The following BBS9 variants were observed in gnomAD, a reference collection of about 807,000 sequenced individuals.
BBS9 encodes the protein protein PTHB1.
BBS9 carries 89 observed loss-of-function variants against 117.7 expected under a neutral mutation model. The ratio of observed to expected loss-of-function variants is 0.76; its 90% CI spans 0.64 to 0.90. The LOEUF is 0.90. Ranked by LOEUF, BBS9 falls within the 40% of genes least tolerant of loss-of-function variation. BBS9 has a pLI of 0.00. For synonymous variants in BBS9, 379 were observed against 370.9 expected, an observed-to-expected ratio of 1.02 and a Z score of -0.25; for missense variants, 982 against 1,042.2, an observed-to-expected ratio of 0.94 and a Z score of 0.80.
At chr7:33,171,122 T>A (rs895516843) in intron 4 of BBS9, among the ~76,000 whole-genome samples, 1 of 151,816 alleles carries the variant, frequency 6.6e-6, no homozygotes, top group Admixed American at 6.6e-5. Flanking sequence ...TCATATGGAA[T>A]GAAAAAAGAG....
intron 9 of BBS9, among the ~76,000 whole-genome samples, chr7:33,285,658 T>C (rs903143672): frequency 1.3e-5 from 2 of 152,168 alleles, no homozygotes; most frequent in African/African-American, 2.4e-5. Flanking sequence ...GTGCTTATAA[T>C]GTCCTTATAG....
intron 19 of BBS9, among the ~76,000 whole-genome samples, chr7:33,394,274 A>G (rs1474812417): frequency 6.6e-6 from 1 of 152,170 alleles, no homozygotes; most frequent in African/African-American, 2.4e-5. Flanking sequence ...GCTGGAGGCC[A>G]TTATCCCTAG....
At chr7:33,351,850 C>G (rs1818718003) in intron 14 of BBS9, 1 of 170,014 alleles carries the variant, frequency 5.9e-6, no homozygotes, top group Non-Finnish European at 1.3e-5. Flanking sequence ...ACCCCATTTC[C>G]CCAGTGCGCT....
At chr7:33,362,045 C>T (rs559548697) in intron 16 of BBS9, among the ~76,000 whole-genome samples, 2 of 152,198 alleles carry the variant, frequency 1.3e-5, no homozygotes, top group South Asian at 4.1e-4. Flanking sequence ...ATTAGTAATT[C>T]CTTATCCTGC....
intron 12 of BBS9, among the ~76,000 whole-genome samples, chr7:33,347,959 G>T (rs184988461): frequency 6.6e-6 from 1 of 151,786 alleles, no homozygotes; most frequent in Non-Finnish European, 1.5e-5. Flanking sequence ...TGACATACGA[G>T]TCACCATGAT....
intron 2 of BBS9, among the ~76,000 whole-genome samples, chr7:33,149,321 G>C (rs764127): frequency 0.16 from 24,623 of 152,130 alleles, 2,136 homozygotes; most frequent in South Asian, 0.21. Context: ...AAATTTGCAG[G>C]TCAAGTTGGG....
At chr7:33,458,268 T>C (rs1838942604) in intron 19 of BBS9, among the ~76,000 whole-genome samples, 1 of 152,198 alleles carries the variant, frequency 6.6e-6, no homozygotes, top group Admixed American at 6.5e-5. Context: ...GTTGATTTTT[T>C]GAATGAGAGA....
chr7:33,153,252 T>C (rs1793626849), intron 3 of BBS9, among the ~76,000 whole-genome samples: 2 of 152,220 alleles, frequency 1.3e-5, no homozygotes, highest in African/African-American at 4.8e-5. Context: ...AATAGTTATT[T>C]GGGGTAGAGA....
chr7:33,362,894 C>T (rs960505292), intron 16 of BBS9, among the ~76,000 whole-genome samples: 1 of 149,174 alleles, frequency 6.7e-6, no homozygotes, highest in African/African-American at 2.5e-5. Flanking sequence ...GTATAATTTT[C>T]TCTCTGTATT....
intron 19 of BBS9, among the ~76,000 whole-genome samples, chr7:33,428,796 ATTGT>A (rs1833998003): frequency 1.3e-5 from 2 of 152,164 alleles, no homozygotes; most frequent in African/African-American, 4.8e-5. Context: ...TTTATACATA[ATTGT>A]TTAATTAGCC....
intron 5 of BBS9, among the ~76,000 whole-genome samples, chr7:33,194,339 C>T (rs1345723170): frequency 6.6e-6 from 1 of 152,140 alleles, no homozygotes; most frequent in Admixed American, 6.5e-5. Context: ...AGCAGCTTCA[C>T]AAAATGCACC....
At chr7:33,324,189 T>A (rs1030651989) in intron 9 of BBS9, among the ~76,000 whole-genome samples, 13 of 152,164 alleles carry the variant, frequency 8.5e-5, no homozygotes, top group Non-Finnish European at 1.8e-4. Flanking sequence ...ACATTTTAAT[T>A]TCTTACTCTT....
chr7:33,276,270 G>T (rs926849022), intron 9 of BBS9, among the ~76,000 whole-genome samples: 2 of 152,090 alleles, frequency 1.3e-5, no homozygotes, highest in Non-Finnish European at 2.9e-5. Flanking sequence ...AGTTTAGGAA[G>T]GTTTTCTGCC....
chr7:33,516,084 C>T (rs1393326963), intron 20 of BBS9, among the ~76,000 whole-genome samples: 1 of 152,166 alleles, frequency 6.6e-6, no homozygotes, highest in East Asian at 1.9e-4. Flanking sequence ...TGTACATGCT[C>T]AGGCAATGAA....
chr7:33,582,108 CT>C lies in BBS9; in HGVS notation c.2522-22756del, dbSNP rs1860053809. On this transcript the variant is annotated intron_variant, in intron 21 of 22. Coordinates refer to ENST00000242067, the MANE Select transcript of BBS9 (RefSeq NM_198428.3). The stretch of plus-strand genomic sequence containing the variant: ...TTCTGCTTGGTTTTCTCACCTACCC[CT>C]AGCCCCTCTTTGCTGTAATAGATAT... Among the ~76,000 whole-genome samples, 3 of 152,058 alleles carry C rather than the reference CT, an allele frequency of 2.0e-5. No individual in the cohort carries two copies. The South Asian group carries it at 6.2e-4, about 32-fold the overall frequency.
chr7:33,508,054 T>C (rs1489875061), intron 20 of BBS9, among the ~76,000 whole-genome samples: 4 of 152,268 alleles, frequency 2.6e-5, no homozygotes, highest in African/African-American at 7.2e-5. Flanking sequence ...TAGACTCATA[T>C]GCAGAATCAA....
intron 15 of BBS9, 126 bp from the exon 16 acceptor site, chr7:33,357,728 GT>G (rs1256324013): frequency 1.0e-6 from 1 of 959,582 alleles, no homozygotes; most frequent in Non-Finnish European, 1.7e-6. Flanking sequence ...TTTCAGCTTT[GT>G]TAAGCAAAAT....
chr7:33,473,174 AAAT>A (rs1841304962), intron 19 of BBS9, among the ~76,000 whole-genome samples: 1 of 152,244 alleles, frequency 6.6e-6, no homozygotes, highest in South Asian at 2.1e-4. Flanking sequence ...TAATGAAGAT[AAAT>A]CTCCAAGTGC....
chr7:33,356,996 G>A (rs780615107), intron 15 of BBS9, among the ~76,000 whole-genome samples: 18 of 151,748 alleles, frequency 1.2e-4, no homozygotes, highest in Non-Finnish European at 2.5e-4. Context: ...AAAAAGGAGA[G>A]AAAACTAGGA....
Sources: gnomAD v4.1 joint callset for allele counts (sites outside exome capture counted in the v4.1 genomes callset) on GRCh38, gnomAD v4.1.1 for gene constraint, MANE v1.5 for transcripts, NCBI Gene and HGNC (gene_info 2026-07-23, HGNC 2026-07-21) for gene names.